The following FNDC3A variants were observed in gnomAD, a reference collection of about 807,000 sequenced individuals.
The protein encoded by FNDC3A is fibronectin type-III domain-containing protein 3A.
In FNDC3A, 32 loss-of-function variants were observed where a neutral mutation model predicts 148.9. The observed-to-expected ratio is 0.21, with a 90% CI of 0.16 to 0.29. The LOEUF is 0.29. Ranked by LOEUF, FNDC3A falls within the 10% of genes least tolerant of loss-of-function variation. The pLI is 1.00. For missense variants in FNDC3A, 1,191 were observed against 1,452.8 expected (o/e 0.82, Z 2.93); for synonymous variants, 472 against 473.6 (o/e 1.00, Z 0.04).
intron 2 of FNDC3A, among the ~76,000 whole-genome samples, chr13:49,047,984 A>T (rs986435661): frequency 2.0e-5 from 3 of 152,172 alleles, no homozygotes; most frequent in Non-Finnish European, 4.4e-5. Flanking sequence ...AAAGTGAGAG[A>T]TGAGGATCCA....
At chr13:49,005,395 A>G (rs1363059236) in intron 1 of FNDC3A, among the ~76,000 whole-genome samples, 2 of 151,896 alleles carry the variant, frequency 1.3e-5, no homozygotes, top group African/African-American at 4.8e-5. Flanking sequence ...CTGATGTTTT[A>G]TTGGTTAACA....
intron 2 of FNDC3A, among the ~76,000 whole-genome samples, chr13:49,017,352 T>G (rs1481138225): frequency 6.6e-6 from 1 of 152,228 alleles, no homozygotes; most frequent in Non-Finnish European, 1.5e-5. Flanking sequence ...TTTACCATTA[T>G]GTAATGGCCT....
chr13:49,011,641 T>C (rs1018278960), intron 2 of FNDC3A, among the ~76,000 whole-genome samples: 3 of 152,086 alleles, frequency 2.0e-5, no homozygotes, highest in Admixed American at 2.0e-4. Flanking sequence ...ACAAAAAAAT[T>C]TAAAATTTAG....
chr13:49,136,631 A>G, intron 6 of FNDC3A, 30 bp downstream of exon 6: 5 of 1,590,716 alleles, frequency 3.1e-6, no homozygotes, highest in Non-Finnish European at 4.3e-6. Flanking sequence ...AACTGTTCTC[A>G]TTGATGCTAT....
chr13:49,008,937 T>TTATTAACATCTTA (rs71076062), intron 2 of FNDC3A, among the ~76,000 whole-genome samples: 97 of 151,304 alleles, frequency 6.4e-4, no homozygotes, highest in African/African-American at 2.0e-3. Context: ...GTTTCTTCAT[T>TTATTAACATCTTA]TATTAGTGTG....
At chr13:49,119,990 A>C (rs939155045) in intron 4 of FNDC3A, among the ~76,000 whole-genome samples, 1 of 152,090 alleles carries the variant, frequency 6.6e-6, no homozygotes, top group African/African-American at 2.4e-5. Flanking sequence ...ATACAGAGAA[A>C]ACCACTAAGA....
intron 15 of FNDC3A, among the ~76,000 whole-genome samples, 176 bp downstream of exon 15, chr13:49,186,278 A>T (rs1246957281): frequency 6.6e-6 from 1 of 152,018 alleles, no homozygotes; most frequent in African/African-American, 2.4e-5. Flanking sequence ...ACTCTCATAC[A>T]TGCTAGGTTA....
intron 2 of FNDC3A, chr13:49,046,497 TA>T: frequency 6.1e-6 from 1 of 162,774 alleles, no homozygotes; most frequent in South Asian, 1.7e-4. Flanking sequence ...GTTGCCTTTC[TA>T]AGACTTGAAC....
At chr13:48,979,349 A>AG (rs1187226169) in intron 1 of FNDC3A, among the ~76,000 whole-genome samples, 2 of 152,188 alleles carry the variant, frequency 1.3e-5, no homozygotes, top group African/African-American at 4.8e-5. Context: ...TGGAATTTAA[A>AG]GGGAAGTGAA....
intron 5 of FNDC3A, among the ~76,000 whole-genome samples, chr13:49,135,050 T>G (rs1468810977): frequency 6.6e-6 from 1 of 151,780 alleles, no homozygotes; most frequent in Non-Finnish European, 1.5e-5. Flanking sequence ...AGAGATGGGA[T>G]TTCACCATCT....
chr13:49,171,391 AG>A (rs1884746536), intron 10 of FNDC3A, among the ~76,000 whole-genome samples: 1 of 152,210 alleles, frequency 6.6e-6, no homozygotes. Flanking sequence ...TAATAAGAAT[AG>A]GGGTGACCAT....
chr13:49,118,320 G>A (rs552479103), intron 4 of FNDC3A, among the ~76,000 whole-genome samples: 5 of 152,250 alleles, frequency 3.3e-5, no homozygotes, highest in East Asian at 3.9e-4. Context: ...AGTGCATTCC[G>A]GCCCAGATAC....
chr13:49,181,447 A>C (rs1333937540), intron 14 of FNDC3A, among the ~76,000 whole-genome samples: 3 of 152,182 alleles, frequency 2.0e-5, no homozygotes, highest in Non-Finnish European at 4.4e-5. Context: ...GAGGCCTAGC[A>C]GTCTGTTGTG....
intron 1 of FNDC3A, among the ~76,000 whole-genome samples, chr13:48,996,903 AAC>A (rs1952033639): frequency 6.6e-6 from 1 of 151,970 alleles, no homozygotes; most frequent in Non-Finnish European, 1.5e-5. Context: ...CTCTACTAAA[AAC>A]ACAAAAAATT....
chr13:49,129,973 T>G (rs902306521), intron 4 of FNDC3A, among the ~76,000 whole-genome samples: 1 of 152,204 alleles, frequency 6.6e-6, no homozygotes, highest in Admixed American at 6.5e-5. Context: ...GCCTTTAAAT[T>G]AGCACTTAAC....
chr13:49,207,013 A>T (rs916839250), intron 25 of FNDC3A, 68 bp from the exon 26 acceptor site: 5 of 1,109,862 alleles, frequency 4.5e-6, no homozygotes, highest in Non-Finnish European at 6.6e-6. Flanking sequence ...TTCTAACACT[A>T]GCCAGTTTTA....
At chr13:49,089,212 A>T (rs945254955) in intron 3 of FNDC3A, among the ~76,000 whole-genome samples, 1 of 152,232 alleles carries the variant, frequency 6.6e-6, no homozygotes, top group Non-Finnish European at 1.5e-5. Flanking sequence ...ACCACAATTT[A>T]AAAAATTAAT....
chr13:49,164,760 C>G (rs1884362661), intron 8 of FNDC3A, among the ~76,000 whole-genome samples: 1 of 152,070 alleles, frequency 6.6e-6, no homozygotes, highest in African/African-American at 2.4e-5. Context: ...AGGTGCCCGC[C>G]ACCACCGGCC....
chr13:49,121,211 A>G (rs1286965860), intron 4 of FNDC3A, among the ~76,000 whole-genome samples: 1 of 152,234 alleles, frequency 6.6e-6, no homozygotes, highest in Admixed American at 6.5e-5. Flanking sequence ...CCACACAACT[A>G]CATGGAAACT....
Sources: gnomAD v4.1 joint callset for allele counts (sites outside exome capture counted in the v4.1 genomes callset) on GRCh38, gnomAD v4.1.1 for gene constraint, MANE v1.5 for transcripts, NCBI Gene and HGNC (gene_info 2026-07-23, HGNC 2026-07-21) for gene names.